Variants in GUK1 observed in about 807,000 individuals in gnomAD.
GUK1 encodes guanylate kinase.
In GUK1, 18 loss-of-function variants were observed where a neutral mutation model predicts 25.2. The observed-to-expected ratio is 0.71, with a 90% CI of 0.49 to 1.06. The LOEUF (loss-of-function observed/expected upper bound fraction) is 1.06, where lower values mean the gene tolerates loss of function less well. GUK1 is among the 50% of genes least tolerant of loss of function. The probability of loss-of-function intolerance (pLI) is 0.00; values close to 1 mark genes in which losing one functional copy is unlikely to be tolerated. For missense variants in GUK1, 261 were observed against 276.7 expected (o/e 0.94, Z 0.40); for synonymous variants, 105 against 117.6 (o/e 0.89, Z 0.69).
rs1400240473 is a variant in GUK1, at chr1:228,146,393, G to A, written c.154+326G>A. The A allele has an allele frequency of 1.3e-5, 6 of 471,996 alleles. No homozygotes were observed. In the Admixed American group the frequency reaches 1.4e-4, roughly 11 times the overall value. The allele number at this position is 471,996 out of a possible 1,614,324, so 29.2% of individuals were successfully genotyped here. A position where few individuals can be genotyped will look rare whatever the true frequency, so the allele number is the denominator to read the frequency against. On this transcript the variant is annotated intron_variant, in intron 4 of 8. Coordinates refer to ENST00000312726, the MANE Select transcript of GUK1 (RefSeq NM_000858.7). The stretch of plus-strand genomic sequence containing the variant: ...CTTTTGAGCTGTCTTCTGGAGTCCT[G>A]GTAAAAAGGGCTACTCTGCCTGCCT...
chr1:228,142,108 G>T lies in GUK1; in HGVS notation c.-3+820G>T, dbSNP rs530454924. Reference sequence around the variant, plus strand: ...CGCCCTGCCACTGGTCTCTCCCCAGGCAGGCAGGCAGCCTGTGCCTCCGCC... The same window carrying T: ...CGCCCTGCCACTGGTCTCTCCCCAGTCAGGCAGGCAGCCTGTGCCTCCGCC... On this transcript the variant is annotated intron_variant, in intron 2 of 8. Transcript: ENST00000312726. Among the ~76,000 whole-genome samples the T allele has an allele frequency of 7.7e-4, 116 of 151,202 alleles. 1 individual carries two copies. The highest frequency in any genetic ancestry group is 3.2e-4 in the Non-Finnish European group (22 of 67,786).
At chr1:228,140,155 CT>C (rs577978600), upstream of GUK1, 1,084 of 669,394 alleles carry the variant, frequency 1.6e-3, 3 homozygotes, top group Non-Finnish European at 1.8e-3. Context: ...TAGCGAGGCA[CT>C]GAGGTAAGTA....
At chr1:228,141,473 C>A in intron 2 of GUK1, 1 of 342,686 alleles carries the variant, frequency 2.9e-6, no homozygotes, top group Non-Finnish European at 4.3e-6. Flanking sequence ...CTTCATCCAC[C>A]TGGCCCAGCC....
intron 7 of GUK1, 62 bp downstream of exon 6, chr1:228,147,761 G>A (rs1007720276): frequency 1.4e-6 from 2 of 1,476,952 alleles, no homozygotes; most frequent in South Asian, 1.2e-5. Context: ...TGAGGTCTGT[G>A]GCACCAGGGA....
chr1:228,147,493 C>A lies in GUK1; in HGVS notation c.339C>A (p.Thr113=), dbSNP rs772433405. The A allele has an allele frequency of 1.2e-6, 2 of 1,613,178 alleles. No individual in the cohort carries two copies. Among genetic ancestry groups the A allele is most frequent in the South Asian group, 2.2e-5 (2 of 91,076 alleles). The change falls in exon 6 of 9, where the codon ACC becomes ACA. Residue 113 remains threonine (T), a synonymous_variant. Transcript: ENST00000312726. The stretch of plus-strand genomic sequence containing the variant: ...AGGGTGTGCGGAACATCAAGGCCAC[C>A]GATCTGCGGCCCATCTACATCTCTG...
chr1:228,142,121 C>T (rs1344941013), intron 2 of GUK1, among the ~76,000 whole-genome samples: 2 of 141,192 alleles, frequency 1.4e-5, no homozygotes, highest in African/African-American at 5.3e-5. Context: ...GGCAGGCAGC[C>T]TGTGCCTCCG....
At chr1:228,145,175 A>G in intron 2 of GUK1, 1 of 182,628 alleles carries the variant, frequency 5.5e-6, no homozygotes, top group Non-Finnish European at 1.1e-5. Flanking sequence ...GTGTCATCAG[A>G]GTAGACAGCA....
chr1:228,140,749 C>T (rs2034000581), intron 1 of GUK1, among the ~76,000 whole-genome samples: 1 of 152,266 alleles, frequency 6.6e-6, no homozygotes, highest in Non-Finnish European at 1.5e-5. Context: ...CCCTGCAAGC[C>T]TTGGGGTCCT....
chr1:228,145,812 C>T, intron 3 of GUK1, 188 bp downstream of exon 2: 2 of 739,602 alleles, frequency 2.7e-6, no homozygotes, highest in Non-Finnish European at 4.5e-6. Flanking sequence ...GTGCCTGTGT[C>T]TCCCTTCCCT....
chr1:228,148,160 TG>T, intron 7 of GUK1: 1 of 655,304 alleles, frequency 1.5e-6, no homozygotes, highest in Non-Finnish European at 2.9e-6. Flanking sequence ...ACCCAAGTTC[TG>T]GGGCTCCAGA....
chr1:228,146,523 G>A (rs1233899342), intron 4 of GUK1: 1 of 466,696 alleles, frequency 2.1e-6, no homozygotes, highest in East Asian at 3.7e-5. Context: ...TAACCTGACG[G>A]TCTCCAGTTC....
rs1443032668 is a variant in GUK1 at position 228,148,208 on chromosome 1, G to A, written c.476-163G>A. The A allele has an allele frequency of 4.3e-6, 3 of 700,510 alleles. No homozygotes were observed. In the East Asian group the frequency reaches 8.2e-5, roughly 19 times the overall value. 43.4% of individuals were successfully genotyped at this position (700,510 alleles called of 1,614,324 possible). ...TGGTGCCTGAGGACTGAGGCCCAGG[G>A]GGCGGCCCTTCCCTACCCTGCACAG... is the stretch of plus-strand genomic sequence containing the variant. On this transcript the variant is annotated intron_variant, in intron 7 of 8. Coordinates refer to ENST00000312726, the MANE Select transcript of GUK1 (RefSeq NM_000858.7).
At chr1:228,143,381 G>A (rs1463291601) in intron 2 of GUK1, among the ~76,000 whole-genome samples, 2 of 152,172 alleles carry the variant, frequency 1.3e-5, no homozygotes, top group African/African-American at 4.8e-5. Flanking sequence ...CGGGTCCTTC[G>A]AAGCACATGA....
At chr1:228,147,173 G>A (rs1311853398) in intron 5 of GUK1, among the ~76,000 whole-genome samples, 1 of 152,218 alleles carries the variant, frequency 6.6e-6, no homozygotes, top group East Asian at 1.9e-4. Flanking sequence ...GGGTGCACAG[G>A]ACACCTCATG....
chr1:228,141,661 A>G (rs926226257), intron 2 of GUK1: 66 of 1,232,676 alleles, frequency 5.4e-5, no homozygotes, highest in Non-Finnish European at 6.9e-5. Flanking sequence ...GGAGGAGATT[A>G]TGCCGCCACA....
At position 228,143,242 on chromosome 1, in the gene GUK1, C is replaced by CA. The variant is rs529385493; in HGVS notation, c.-3+1955dup. On this transcript the variant is annotated intron_variant, in intron 2 of 8. Transcript: ENST00000312726. The stretch of plus-strand genomic sequence containing the variant: ...GGCCTTGGGGCAGCCCTGTCAGGCC[C>CA]ACCAGTGCCATGCTGGTTGTGGGTT... 6.1e-3 allele frequency among the ~76,000 whole-genome samples: 930 copies of CA among 152,228 alleles called. 11 individuals are homozygous for CA. Among genetic ancestry groups the CA allele is most frequent in the African/African-American group, 0.022 (900 of 41,526 alleles).
Position 228,140,330 on chromosome 1 carries a change from G to A in GUK1, c.-201G>A. ...GCTGCGGCGCCCGCTGGCCGGGCTGGCTGCGGCCGCCCTGGGCCGGGCCCC... is the reference window on the plus strand; with the variant it reads ...GCTGCGGCGCCCGCTGGCCGGGCTGACTGCGGCCGCCCTGGGCCGGGCCCC... On this transcript the variant is annotated 5_prime_UTR_variant, in exon 1 of 9. Coordinates refer to ENST00000312726, the MANE Select transcript of GUK1 (RefSeq NM_000858.7). 6.5e-7 allele frequency: 1 copy of A among 1,529,412 alleles called. No individual in the cohort carries two copies. Among genetic ancestry groups the A allele is most frequent in the Non-Finnish European group, 8.7e-7 (1 of 1,144,778 alleles). 94.7% of individuals were successfully genotyped at this position (1,529,412 alleles called of 1,614,324 possible).
At chr1:228,148,262 A>G (rs971220519) in intron 7 of GUK1, 109 bp from the exon 7 acceptor site, 1 of 827,110 alleles carries the variant, frequency 1.2e-6, no homozygotes, top group Non-Finnish European at 2.1e-6. Context: ...GCTGTCCCAC[A>G]GCCGCAGTGA....
At chr1:228,145,401 C>G (rs1240449557) in intron 2 of GUK1, 110 bp from the exon 2 acceptor site, 4 of 1,151,736 alleles carry the variant, frequency 3.5e-6, no homozygotes, top group Non-Finnish European at 4.8e-6. Context: ...GCCAATGTCT[C>G]CATCCCTGGG....
Sources: allele counts gnomAD v4.1 joint callset (sites outside exome capture counted in the v4.1 genomes callset), GRCh38; gene constraint gnomAD v4.1.1; transcripts MANE v1.5; gene names NCBI Gene and HGNC (gene_info 2026-07-23, HGNC 2026-07-21).